The following HMGCLL1 variants were observed in gnomAD, a reference collection of about 807,000 sequenced individuals.
HMGCLL1 encodes 3-hydroxy-3-methylglutaryl-CoA lyase like 1.
Under a neutral mutation model 39.1 loss-of-function variants are expected in HMGCLL1, and 36 were observed. The observed-to-expected ratio is 0.92, with a 90% CI of 0.71 to 1.22. HMGCLL1 has a LOEUF of 1.22. Among genes scored for constraint, HMGCLL1 ranks in the 50% most tolerant of loss-of-function variants. The pLI is 0.00. For missense variants in HMGCLL1, 451 were observed against 416.5 expected (o/e 1.08, Z -0.72); for synonymous variants, 149 against 144.0 (o/e 1.03, Z -0.25).
chr6:55,613,477 A>G, the HMGCLL1 span, among the ~76,000 whole-genome samples: 3 of 152,206 alleles, frequency 2.0e-5, no homozygotes, highest in Admixed American at 6.5e-5. Flanking sequence ...TCATTCTATT[A>G]TAAAGATACA....
chr6:55,458,500 A>G (rs745498377), intron 7 of HMGCLL1, among the ~76,000 whole-genome samples: 4 of 152,192 alleles, frequency 2.6e-5, no homozygotes, highest in African/African-American at 9.6e-5. Flanking sequence ...GAGGTTAACT[A>G]CGAACTGGTC....
At chr6:55,641,873 T>C in the HMGCLL1 span, among the ~76,000 whole-genome samples, 1 of 104,820 alleles carries the variant, frequency 9.5e-6, no homozygotes, top group Non-Finnish European at 2.0e-5. Context: ...TTAATTTTTT[T>C]TTATTTTTAT....
intron 7 of HMGCLL1, among the ~76,000 whole-genome samples, chr6:55,451,106 A>G (rs953593002): frequency 1.3e-5 from 2 of 152,136 alleles, no homozygotes; most frequent in Non-Finnish European, 2.9e-5. Flanking sequence ...GCTAATGGTT[A>G]TGGGGAAGAG....
chr6:55,622,497 G>A, the HMGCLL1 span, among the ~76,000 whole-genome samples: 12 of 151,970 alleles, frequency 7.9e-5, no homozygotes, highest in African/African-American at 2.2e-4. Flanking sequence ...GAATTTTATC[G>A]AATGCTGTTT....
chr6:55,658,407 A>C, the HMGCLL1 span, among the ~76,000 whole-genome samples: 19,494 of 151,942 alleles, frequency 0.13, 1,380 homozygotes, highest in East Asian at 0.23. Flanking sequence ...CTGAAACAAC[A>C]TCCTCCACCC....
At chr6:55,499,773 G>T (rs1357800844) in intron 5 of HMGCLL1, among the ~76,000 whole-genome samples, 2 of 151,946 alleles carry the variant, frequency 1.3e-5, no homozygotes. Context: ...TCATCCAAAG[G>T]TCTTGGAACT....
At chr6:55,560,094 T>C (rs1290371636) in intron 1 of HMGCLL1, among the ~76,000 whole-genome samples, 3 of 152,100 alleles carry the variant, frequency 2.0e-5, no homozygotes, top group East Asian at 1.9e-4. Context: ...GAAGACAGGA[T>C]TGTTCACAAG....
At chr6:55,546,234 T>C (rs1045504351) in intron 1 of HMGCLL1, among the ~76,000 whole-genome samples, 2 of 152,172 alleles carry the variant, frequency 1.3e-5, no homozygotes, top group Admixed American at 6.6e-5. Context: ...ATTGATTTTA[T>C]TGATCATCCA....
upstream of HMGCLL1, among the ~76,000 whole-genome samples, chr6:55,580,024 G>A (rs1413255855): frequency 6.6e-6 from 1 of 152,224 alleles, no homozygotes; most frequent in Non-Finnish European, 1.5e-5. Context: ...GAATAGTCTC[G>A]TGCAGGATAC....
the HMGCLL1 span, among the ~76,000 whole-genome samples, chr6:55,634,564 C>T: frequency 5.3e-5 from 8 of 152,182 alleles, no homozygotes; most frequent in East Asian, 5.8e-4. Context: ...TGTTTCTTCC[C>T]AACATTCCTG....
the HMGCLL1 span, among the ~76,000 whole-genome samples, chr6:55,585,991 A>G: frequency 6.6e-6 from 1 of 152,284 alleles, no homozygotes; most frequent in Admixed American, 6.5e-5. Flanking sequence ...ATCTATATAC[A>G]AAACATTATA....
At chr6:55,465,412 T>C (rs1764755080) in intron 7 of HMGCLL1, among the ~76,000 whole-genome samples, 1 of 152,066 alleles carries the variant, frequency 6.6e-6, no homozygotes, top group South Asian at 2.1e-4. Flanking sequence ...TAATAAGTCA[T>C]TTGCAGATAT....
chr6:55,665,208 T>A, the HMGCLL1 span, among the ~76,000 whole-genome samples: 1 of 151,738 alleles, frequency 6.6e-6, no homozygotes, highest in Admixed American at 6.6e-5. Context: ...AAGAAAATTT[T>A]GAAATTATCT....
At chr6:55,498,448 A>C (rs1766703049) in intron 6 of HMGCLL1, among the ~76,000 whole-genome samples, 1 of 152,142 alleles carries the variant, frequency 6.6e-6, no homozygotes, top group Non-Finnish European at 1.5e-5. Flanking sequence ...AAAGCACAAA[A>C]GAGGAACAGC....
At position 55,541,796 on chromosome 6, in the gene HMGCLL1, C is replaced by A; in HGVS notation, c.230G>T (p.Arg77Leu). 6.2e-7 allele frequency: 1 copy of A among 1,608,164 alleles called. No individual in the cohort carries two copies. Among genetic ancestry groups the A allele is most frequent in the Non-Finnish European group, 8.5e-7 (1 of 1,176,602 alleles). Reference protein sequence around the residue: ...PTDIKIEFINRLSQTGLSVIE... With the variant: ...PTDIKIEFINLLSQTGLSVIE... ...TACAGACAAGCCAGTTTGGGAAAGT[C>A]GATTGATAAATTCAATTTTTATATC... The change falls in exon 3 of 9, where the codon CGA becomes CTA. Residue 77 changes from arginine to leucine, a missense_variant. Physicochemically the swap from Arg to Leu is moderately radical, Grantham distance 102. Transcript: ENST00000274901.
the HMGCLL1 span, among the ~76,000 whole-genome samples, chr6:55,596,096 G>C: frequency 6.6e-6 from 1 of 152,296 alleles, no homozygotes. Context: ...AGGCCAAGAG[G>C]GGTGGATCAC....
chr6:55,466,993 CTTTG>C (rs956812891), intron 7 of HMGCLL1, among the ~76,000 whole-genome samples: 2 of 152,004 alleles, frequency 1.3e-5, no homozygotes, highest in South Asian at 2.1e-4. Context: ...ATAATTTTAG[CTTTG>C]TTTAAGTTAC....
chr6:55,656,816 A>T, the HMGCLL1 span, among the ~76,000 whole-genome samples: 7 of 152,040 alleles, frequency 4.6e-5, no homozygotes, highest in East Asian at 7.7e-4. Flanking sequence ...TTCTGTGTTG[A>T]GACAAGGACT....
At chr6:55,604,316 C>T in the HMGCLL1 span, among the ~76,000 whole-genome samples, 1 of 152,096 alleles carries the variant, frequency 6.6e-6, no homozygotes, top group Non-Finnish European at 1.5e-5. Context: ...CATTCTTTAA[C>T]TTCCATAGTT....
Sources: gnomAD v4.1 joint callset for allele counts (sites outside exome capture counted in the v4.1 genomes callset) on GRCh38, gnomAD v4.1.1 for gene constraint, MANE v1.5 for transcripts, NCBI Gene and HGNC (gene_info 2026-07-23, HGNC 2026-07-21) for gene names.